Variants in ZNF875 observed in about 807,000 individuals in gnomAD.
ZNF875 encodes HKR1, GLI-Kruppel zinc finger family member.
ZNF875 carries 14 observed loss-of-function variants against 11.2 expected under a neutral mutation model. That is an observed-to-expected ratio of 1.26 (90% confidence interval 0.83 to 1.96). The LOEUF (loss-of-function observed/expected upper bound fraction) is 1.96, where lower values mean the gene tolerates loss of function less well. ZNF875 is among the 30% of genes most tolerant of loss of function. ZNF875 has a pLI of 0.00. For synonymous variants in ZNF875, 301 were observed against 281.1 expected (o/e 1.07, Z -0.71); for missense variants, 752 against 760.4 (o/e 0.99, Z 0.13).
Position 37,362,132 on chromosome 19 carries a change from A to AGTCC in ZNF875, c.281_284dup (p.Cys97LeufsTer54). 1 of 1,612,666 alleles carries AGTCC rather than the reference A, an allele frequency of 6.2e-7. No individual in the cohort carries two copies. Among genetic ancestry groups the AGTCC allele is most frequent in the Non-Finnish European group, 8.5e-7 (1 of 1,179,352 alleles). On this transcript the variant is annotated frameshift_variant, in exon 5 of 5. Coordinates refer to ENST00000392153, the MANE Select transcript of ZNF875 (RefSeq NM_001353803.2). LOFTEE classifies it low-confidence loss of function (END_TRUNC). ...AGAATCGAAGCCAGAAATTCAACTT[A>AGTCC]GTCCCTCCTGCCCTCTGATTTTCTC...
At chr19:37,322,934 C>T (rs1486977552) in intron 2 of ZNF875, among the ~76,000 whole-genome samples, 1 of 152,102 alleles carries the variant, frequency 6.6e-6, no homozygotes, top group Admixed American at 6.6e-5. Context: ...CCACCTCCCA[C>T]CTCCACGAAA....
At chr19:37,355,216 G>A (rs555693962) in intron 4 of ZNF875, among the ~76,000 whole-genome samples, 33 of 152,178 alleles carry the variant, frequency 2.2e-4, no homozygotes, top group African/African-American at 7.5e-4. Context: ...TTGAGACAGA[G>A]TCTCGCTCTG....
intron 4 of ZNF875, among the ~76,000 whole-genome samples, chr19:37,325,717 T>C (rs987981042): frequency 3.3e-5 from 5 of 152,072 alleles, no homozygotes; most frequent in Admixed American, 2.0e-4. Context: ...TGCTAATTTT[T>C]TTTTTTTAAA....
chr19:37,319,005 G>A (rs1297372824), intron 1 of ZNF875, among the ~76,000 whole-genome samples: 8 of 151,744 alleles, frequency 5.3e-5, no homozygotes, highest in Non-Finnish European at 8.8e-5. Flanking sequence ...AACCAGTTAA[G>A]GAGGTTTTGG....
At chr19:37,324,845 G>T in intron 4 of ZNF875, 1 of 154,720 alleles carries the variant, frequency 6.5e-6, no homozygotes. Flanking sequence ...GGCGATCTCT[G>T]CTCACTGCAA....
upstream of ZNF875, among the ~76,000 whole-genome samples, chr19:37,330,123 A>C (rs559904127): frequency 4.5e-4 from 69 of 152,150 alleles, 1 homozygote; most frequent in Non-Finnish European, 8.4e-4. Context: ...ATATTTTTTC[A>C]ATTTTTTTCT....
In ZNF875 at chr19:37,362,913, T is replaced by A. The variant is rs2040200598; in HGVS notation, c.1061T>A (p.Ile354Asn). 1 of 1,612,476 alleles carries A rather than the reference T, an allele frequency of 6.2e-7. No homozygotes were observed. Among genetic ancestry groups the A allele is most frequent in the African/African-American group, 1.3e-5 (1 of 74,378 alleles). ...AGCTTTAGCCTGAAGTCAAACCTCA[T>A]TACCCACCAGAGGGCGCACACTGGG... ...GQSFSLKSNL[I>N]THQRAHTGEK... is the part of the protein sequence containing the mutation. Residue 354 changes from isoleucine (I) to asparagine (N), a missense_variant, in exon 5 of 5, where the codon ATT becomes AAT. Transcript: ENST00000392153.
chr19:37,360,039 T>C (rs912529496), intron 4 of ZNF875, among the ~76,000 whole-genome samples: 7 of 152,226 alleles, frequency 4.6e-5, no homozygotes, highest in African/African-American at 1.7e-4. Flanking sequence ...TGGTTTCTTC[T>C]AGAAGTTTTA....
chr19:37,361,894 G>A (rs2039982441), intron 4 of ZNF875: 1 of 521,588 alleles, frequency 1.9e-6, no homozygotes, highest in African/African-American at 2.0e-5. Context: ...TCCAGCTTGG[G>A]TGAAAGAAAG....
At chr19:37,359,714 T>C in intron 4 of ZNF875, 1 of 211,740 alleles carries the variant, frequency 4.7e-6, no homozygotes, top group Non-Finnish European at 9.4e-6. Flanking sequence ...TTTCATTGTT[T>C]ATTAACCATT....
In ZNF875 at chr19:37,363,272, G is replaced by A. The variant is rs141484624; in HGVS notation, c.1420G>A (p.Gly474Arg). The change falls in exon 5 of 5, where the codon GGG becomes AGG. Residue 474 changes from glycine to arginine, a missense_variant. Coordinates refer to ENST00000392153, the MANE Select transcript of ZNF875 (RefSeq NM_001353803.2). ...TAACAAACACCAGAGGTCACACACG[G>A]GGGAGAAGCCATTTGTATGTACGGA... ...NLNKHQRSHT[G>R]EKPFVCTECG... 1 of 1,613,660 alleles carries A rather than the reference G, an allele frequency of 6.2e-7. No homozygotes were observed. The highest frequency in any genetic ancestry group is 1.3e-5 in the African/African-American group (1 of 75,010).
chr19:37,315,804 A>ACATACC (rs2030152994), upstream of ZNF875, among the ~76,000 whole-genome samples: 6 of 152,024 alleles, frequency 3.9e-5, no homozygotes, highest in Admixed American at 3.9e-4. Context: ...TACAAGCAGA[A>ACATACC]GTGTTGCATT....
At chr19:37,359,566 G>C in intron 4 of ZNF875, 1 of 229,676 alleles carries the variant, frequency 4.4e-6, no homozygotes, top group Non-Finnish European at 9.0e-6. Context: ...ACCACACCTG[G>C]CTAATTTTTT....
chr19:37,363,428 AG>A lies in ZNF875; in HGVS notation c.1578del (p.Thr527HisfsTer47). ...TAAGTCCACCCTCATTTCACACCAGAGGACACATTCAGGGGAAAAGCCTTTT... is the reference window on the plus strand; with the variant it reads ...TAAGTCCACCCTCATTTCACACCAGAGACACATTCAGGGGAAAAGCCTTTT... ...NDKSTLISHQ[R>X]THSGEKPFMC... On this transcript the variant is annotated frameshift_variant, in exon 5 of 5. Transcript: ENST00000392153. LOFTEE classifies it low-confidence loss of function (END_TRUNC). 1 of 1,614,024 alleles carries A rather than the reference AG, an allele frequency of 6.2e-7. No individual in the cohort carries two copies. The highest frequency in any genetic ancestry group is 8.5e-7 in the Non-Finnish European group (1 of 1,179,876).
chr19:37,333,225 A>T (rs1378302271), upstream of ZNF875, among the ~76,000 whole-genome samples: 2 of 151,600 alleles, frequency 1.3e-5, no homozygotes, highest in African/African-American at 2.4e-5. Flanking sequence ...AGGATCCCAC[A>T]TCCTCACTGT....
At chr19:37,318,524 C>CTT (rs1233207140) in intron 1 of ZNF875, among the ~76,000 whole-genome samples, 37 of 139,034 alleles carry the variant, frequency 2.7e-4, no homozygotes, top group African/African-American at 8.4e-4. Flanking sequence ...TATTTGTTTT[C>CTT]TTTTTTTTTT....
Position 37,335,169 on chromosome 19 carries a change from A to C in ZNF875, c.-56A>C. 1.4e-6 allele frequency: 1 copy of C among 701,326 alleles called. No homozygotes were observed. Among genetic ancestry groups the C allele is most frequent in the East Asian group, 2.7e-5 (1 of 37,188 alleles). 43.4% of individuals were successfully genotyped at this position (701,326 alleles called of 1,614,324 possible). A position where few individuals can be genotyped will look rare whatever the true frequency, so the allele number is the denominator to read the frequency against. On this transcript the variant is annotated splice_region_variant and 5_prime_UTR_variant, in exon 2 of 5. Transcript: ENST00000392153. Reference sequence around the variant, plus strand: ...CTCTTATTTCTCTTCACATCCCCAGATCTGTCTTCTGAGACTTTGCCCTTC... The same window carrying C: ...CTCTTATTTCTCTTCACATCCCCAGCTCTGTCTTCTGAGACTTTGCCCTTC...
At chr19:37,344,962 T>C (rs1204708051) in intron 2 of ZNF875, 2 of 561,380 alleles carry the variant, frequency 3.6e-6, no homozygotes, top group South Asian at 1.9e-5. Context: ...TTCAGACATA[T>C]GGAAAAAACC....
In ZNF875 at chr19:37,335,208, C is replaced by G. The variant is rs908636182; in HGVS notation, c.-17C>G. On this transcript the variant is annotated 5_prime_UTR_variant, in exon 2 of 5. Transcript: ENST00000392153. ...ACTTTGCCCTTCTCCAGGAAGAGCA[C>G]TCAGGAGACCAGGAAAATGGCCACA... 1 of 702,412 alleles carries G rather than the reference C, an allele frequency of 1.4e-6. No homozygotes were observed. The highest frequency in any genetic ancestry group is 1.7e-5 in the African/African-American group (1 of 57,256). 43.5% of individuals were successfully genotyped at this position (702,412 alleles called of 1,614,324 possible).
Sources: gnomAD v4.1 joint callset for allele counts (sites outside exome capture counted in the v4.1 genomes callset) on GRCh38, gnomAD v4.1.1 for gene constraint, MANE v1.5 for transcripts, NCBI Gene and HGNC (gene_info 2026-07-23, HGNC 2026-07-21) for gene names.